The following AP3D1 variants were observed in gnomAD, a reference collection of about 807,000 sequenced individuals.
AP3D1 encodes AP-3 complex subunit delta-1.
In AP3D1, 51 loss-of-function variants were observed where a neutral mutation model predicts 147.6. The observed-to-expected ratio is 0.35, with a 90% CI of 0.28 to 0.44. The LOEUF (loss-of-function observed/expected upper bound fraction) is 0.44. Among genes scored for constraint, AP3D1 ranks in the 20% least tolerant of loss-of-function variants. The pLI, the probability that AP3D1 is intolerant of heterozygous loss-of-function variation, is 1.00. For synonymous variants in AP3D1, 760 were observed against 663.0 expected (o/e 1.15, Z -2.25); for missense variants, 1,421 against 1,624.2 (o/e 0.87, Z 2.15).
chr19:2,145,067 G>C (rs1402987615), intron 1 of AP3D1, among the ~76,000 whole-genome samples: 1 of 152,184 alleles, frequency 6.6e-6, no homozygotes, highest in Non-Finnish European at 1.5e-5. Flanking sequence ...TTCATGCCTA[G>C]AACAGGCAGA....
chr19:2,123,647 T>C (rs1039491589), intron 10 of AP3D1, among the ~76,000 whole-genome samples, 183 bp downstream of exon 10: 3 of 152,062 alleles, frequency 2.0e-5, no homozygotes, highest in South Asian at 4.1e-4. Context: ...CACAGACACA[T>C]GATGGGGATC....
chr19:2,137,872 G>A lies in AP3D1; in HGVS notation c.193-65C>T, dbSNP rs888513045. ...AGCAGAGAGAAAGGTTTTGAGCCGC[G>A]GCATCAAGCGCTCCCTCCCAGCACA... On this transcript the variant is annotated intron_variant, in intron 2 of 31. Coordinates refer to ENST00000643116, the MANE Select transcript of AP3D1 (RefSeq NM_001261826.3). 10 of 1,473,186 alleles carry A rather than the reference G, an allele frequency of 6.8e-6. No homozygotes were observed. The African/African-American group carries it at 6.9e-5, about 10-fold the overall frequency. The allele number at this position is 1,473,186 out of a possible 1,614,324, so 91.3% of individuals were successfully genotyped here.
chr19:2,121,193 G>C lies in AP3D1; in HGVS notation c.1220C>G (p.Ser407Cys). Residue 407 changes from serine to cysteine, a missense_variant, in exon 13 of 32, where the codon TCC becomes TGC. By Grantham distance (112) the Ser-to-Cys change is moderately radical. This residue lies in a region of AP3D1 where 310 missense variants were observed against 388.1 expected (regional missense o/e 0.80). Transcript: ENST00000643116. ...LTKIIDICSQ[S>C]NYQYITNFEW... ...GAAGTTGGTGATGTACTGGTAGTTG[G>C]ACTGGCTGCAGATGTCAATGATCTT... 2 of 1,614,206 alleles carry C rather than the reference G, an allele frequency of 1.2e-6. No individual in the cohort carries two copies. Among genetic ancestry groups the C allele is most frequent in the East Asian group, 2.2e-5 (1 of 44,888 alleles).
intron 29 of AP3D1, chr19:2,109,428 G>A: frequency 1.7e-6 from 1 of 579,296 alleles, no homozygotes; most frequent in Non-Finnish European, 2.9e-6. Flanking sequence ...GGTCACAGAG[G>A]TGCCTGAAGC....
At chr19:2,133,433 G>A (rs977891828) in intron 4 of AP3D1, 7 of 152,094 alleles carry the variant, frequency 4.6e-5, no homozygotes, top group African/African-American at 9.7e-5. Flanking sequence ...GGAAACTCCC[G>A]AGACTTCATC....
chr19:2,115,144 CACT>C, intron 20 of AP3D1, 72 bp downstream of exon 20: 1 of 1,457,002 alleles, frequency 6.9e-7, no homozygotes, highest in Non-Finnish European at 9.4e-7. Context: ...GGGGAGAGGC[CACT>C]GTGCATGGCC....
exon 1 of AP3D1, chr19:2,164,382 T>A: frequency 1.7e-6 from 1 of 591,838 alleles, no homozygotes; most frequent in Non-Finnish European, 2.4e-6. Context: ...ACGGAGACCC[T>A]GGACTCCACT....
intron 1 of AP3D1, 23 bp downstream of exon 1, chr19:2,151,216 G>GCC: frequency 1.9e-6 from 3 of 1,603,554 alleles, no homozygotes; most frequent in Non-Finnish European, 2.6e-6. Context: ...AGGCCGAGCA[G>GCC]CCCCTTGGCG....
At chr19:2,114,867 C>G in intron 20 of AP3D1, 46 bp from the exon 21 acceptor site, 1 of 1,598,178 alleles carries the variant, frequency 6.3e-7, no homozygotes, top group Non-Finnish European at 8.6e-7. Flanking sequence ...GCCCTTGTGG[C>G]CTGGTGGAAC....
intron 12 of AP3D1, 110 bp from the exon 13 acceptor site, chr19:2,121,421 C>G (rs371752232): frequency 7.2e-7 from 1 of 1,380,568 alleles, no homozygotes; most frequent in Non-Finnish European, 1.0e-6. Context: ...CAGGCGGACC[C>G]GGATTCACAG....
intron 27 of AP3D1, 75 bp downstream of exon 27, chr19:2,110,632 C>T (rs781102246): frequency 3.2e-5 from 46 of 1,417,848 alleles, no homozygotes; most frequent in Non-Finnish European, 3.9e-5. Context: ...CAAGAACCAG[C>T]GGATCCGGGC....
chr19:2,129,440 C>T lies in AP3D1; in HGVS notation c.610G>A (p.Val204Ile), dbSNP rs746378159. Reference sequence around the variant, plus strand: ...CTGGCCAGCTCGCAGATGACATTGACGGCAGCCGACTGAACCCCTGGGGAA... The same window carrying T: ...CTGGCCAGCTCGCAGATGACATTGATGGCAGCCGACTGAACCCCTGGGGAA... ...DPDPGVQSAA[V>I]NVICELARRN... is the part of the protein sequence containing the mutation. The change falls in exon 7 of 32, where the codon GTC (valine) becomes ATC (isoleucine). Residue 204 changes from valine (V) to isoleucine (I), a missense_variant. Around this residue, in one of 6 missense-constraint regions of AP3D1, gnomAD observed 292 missense variants for 412.0 expected, o/e 0.71. Transcript: ENST00000643116. 18 of 1,613,900 alleles carry T rather than the reference C, an allele frequency of 1.1e-5. No individual in the cohort carries two copies. The highest frequency in any genetic ancestry group is 1.4e-5 in the Non-Finnish European group (17 of 1,179,860).
At chr19:2,122,000 G>A (rs989193192) in intron 11 of AP3D1, 121 bp from the exon 12 acceptor site, 21 of 1,149,710 alleles carry the variant, frequency 1.8e-5, no homozygotes, top group Middle Eastern at 4.6e-4. Context: ...TGGCAACCTG[G>A]GGGTGGACAG....
In AP3D1 at chr19:2,136,031, A is replaced by G. The variant is rs2019067946; in HGVS notation, c.354+980T>C. Among the ~76,000 whole-genome samples, 7 of 146,528 alleles carry G rather than the reference A, an allele frequency of 4.8e-5. No homozygotes were observed. In the South Asian group the frequency reaches 1.5e-3, roughly 32 times the overall value. On this transcript the variant is annotated intron_variant, in intron 4 of 31. Coordinates refer to ENST00000643116, the MANE Select transcript of AP3D1 (RefSeq NM_001261826.3). The stretch of plus-strand genomic sequence containing the variant: ...CGCTACACGGCCACGACCCAAGAAG[A>G]CTCCCGCCCAGGCCCCTCCCGCTAC...
intron 1 of AP3D1, among the ~76,000 whole-genome samples, chr19:2,160,327 G>A (rs1404063633): frequency 6.6e-6 from 1 of 151,996 alleles, no homozygotes; most frequent in Non-Finnish European, 1.5e-5. Flanking sequence ...TCAGGAGTTC[G>A]AGACCAGCCT....
intron 1 of AP3D1, among the ~76,000 whole-genome samples, chr19:2,161,066 T>G (rs1019636273): frequency 3.3e-5 from 5 of 151,492 alleles, no homozygotes; most frequent in African/African-American, 1.2e-4. Context: ...ATCCACACCC[T>G]GAGTGGGTAG....
chr19:2,118,592 G>A lies in AP3D1; in HGVS notation c.1713+9C>T, dbSNP rs1438200106. The stretch of plus-strand genomic sequence containing the variant: ...GAGGCTCGGCCCAACACGGAGTGTT[G>A]GATCTTACCCGCTCCTGCACCTCCA... On this transcript the variant is annotated intron_variant, in intron 15 of 31. Transcript: ENST00000643116. 6.2e-7 allele frequency: 1 copy of A among 1,603,684 alleles called. No homozygotes were observed.
At chr19:2,105,777 C>T (rs1234604212) in intron 31 of AP3D1, among the ~76,000 whole-genome samples, 3 of 152,192 alleles carry the variant, frequency 2.0e-5, no homozygotes, top group Admixed American at 6.5e-5. Flanking sequence ...AACAGATCAG[C>T]TCCAGCCGCC....
At chr19:2,141,133 G>T (rs2019209508) in intron 1 of AP3D1, among the ~76,000 whole-genome samples, 1 of 152,066 alleles carries the variant, frequency 6.6e-6, no homozygotes, top group Admixed American at 6.6e-5. Flanking sequence ...TATAAACATA[G>T]ATGTAAATTA....
Sources: allele counts gnomAD v4.1 joint callset (sites outside exome capture counted in the v4.1 genomes callset), GRCh38; gene constraint gnomAD v4.1.1; regional missense constraint gnomAD v4.1.1; transcripts MANE v1.5; gene names NCBI Gene and HGNC (gene_info 2026-07-23, HGNC 2026-07-21).